DLG1: variants seen among roughly 807,000 people sequenced by gnomAD.
DLG1 encodes discs large MAGUK scaffold protein 1.
Under a neutral mutation model 123.4 loss-of-function variants are expected in DLG1, and 42 were observed. That is an observed-to-expected ratio of 0.34 (90% CI 0.27 to 0.44). The LOEUF is 0.44. DLG1 is among the 20% of genes least tolerant of loss of function. The probability of loss-of-function intolerance (pLI) is 1.00; values close to 1 mark genes in which losing one functional copy is unlikely to be tolerated. For missense variants in DLG1, 942 were observed against 1,082.6 expected (o/e 0.87, Z 1.82); for synonymous variants, 317 against 356.2 (o/e 0.89, Z 1.24).
chr3:197,286,639 A>G (rs1243685342), intron 3 of DLG1, among the ~76,000 whole-genome samples: 1 of 152,214 alleles, frequency 6.6e-6, no homozygotes, highest in Non-Finnish European at 1.5e-5. Flanking sequence ...CAGATTTGTC[A>G]ATGTACAATG....
At chr3:197,257,846 G>A (rs1355752089) in intron 4 of DLG1, among the ~76,000 whole-genome samples, 1 of 152,124 alleles carries the variant, frequency 6.6e-6, no homozygotes, top group East Asian at 1.9e-4. Context: ...TTTATGCTCT[G>A]AGTTAATTTT....
At chr3:197,259,718 T>A (rs1245209050) in intron 4 of DLG1, among the ~76,000 whole-genome samples, 1 of 152,108 alleles carries the variant, frequency 6.6e-6, no homozygotes, top group African/African-American at 2.4e-5. Context: ...TTGAACACAA[T>A]GAGCAAAACA....
At chr3:197,277,577 G>A (rs982275402) in intron 4 of DLG1, among the ~76,000 whole-genome samples, 7 of 152,070 alleles carry the variant, frequency 4.6e-5, no homozygotes, top group Non-Finnish European at 1.0e-4. Context: ...CTGACCTCAG[G>A]TGATTCACCT....
At chr3:197,218,128 T>C (rs1209018109) in intron 4 of DLG1, among the ~76,000 whole-genome samples, 2 of 152,196 alleles carry the variant, frequency 1.3e-5, no homozygotes, top group African/African-American at 4.8e-5. Context: ...ATGAACAATC[T>C]TCTAGATACT....
rs770595172 is a variant in DLG1 at position 197,065,298 on chromosome 3, G to A, written c.2351C>T (p.Ser784Phe). 1 of 1,608,346 alleles carries A rather than the reference G, an allele frequency of 6.2e-7. No homozygotes were observed. The highest frequency in any genetic ancestry group is 1.7e-5 in the Admixed American group (1 of 58,716). The change falls in exon 22 of 25, where the codon TCT becomes TTT. Residue 784 changes from serine to phenylalanine, a missense_variant. Physicochemically the swap from Ser to Phe is radical, Grantham distance 155 (BLOSUM62 -2). Transcript: ENST00000667157. ...TACCTTTTCTGCTACTTCTCGTACAGACTGAACACTTGTTCCATATAGATG... is the reference window on the plus strand; with the variant it reads ...TACCTTTTCTGCTACTTCTCGTACAAACTGAACACTTGTTCCATATAGATG... The part of the protein sequence containing the change: ...NNHLYGTSVQ[S>F]VREVAEKGKH...
Position 197,119,451 on chromosome 3 carries a change from G to A in DLG1, c.1245C>T (p.Ser415=). The change falls in exon 12 of 25, where the codon TCC becomes TCT. Residue 415 remains serine (S), a synonymous_variant. Coordinates refer to ENST00000667157, the MANE Select transcript of DLG1 (RefSeq NM_001366207.1). ...CTCCAAGTACTGCTTTAGAAACTGG[G>A]GAGTATCTGGCTGGAGATGCTGGTG... ...GQTPASPARY[S]PVSKAVLGDD... 1 of 1,610,528 alleles carries A rather than the reference G, an allele frequency of 6.2e-7. No homozygotes were observed. Among genetic ancestry groups the A allele is most frequent in the South Asian group, 1.1e-5 (1 of 90,922 alleles).
intron 3 of DLG1, among the ~76,000 whole-genome samples, chr3:197,289,442 T>G (rs982214026): frequency 6.6e-6 from 1 of 152,204 alleles, no homozygotes; most frequent in East Asian, 1.9e-4. Flanking sequence ...TCTTATGGTA[T>G]TTTACATATA....
intron 13 of DLG1, among the ~76,000 whole-genome samples, chr3:197,110,923 T>G (rs924494628): frequency 2.0e-5 from 3 of 152,180 alleles, no homozygotes; most frequent in Non-Finnish European, 4.4e-5. Flanking sequence ...GGTGAGAGTT[T>G]AAGGCCTTTT....
intron 13 of DLG1, among the ~76,000 whole-genome samples, chr3:197,112,707 T>G (rs941871822): frequency 2.0e-5 from 3 of 151,982 alleles, no homozygotes; most frequent in African/African-American, 7.3e-5. Context: ...CCTCCTGCCT[T>G]AGCCTCCCAA....
intron 5 of DLG1, among the ~76,000 whole-genome samples, chr3:197,173,358 T>C (rs1467983058): frequency 6.6e-6 from 1 of 152,196 alleles, no homozygotes; most frequent in Non-Finnish European, 1.5e-5. Context: ...TTTGCACATA[T>C]TGTCTCATTT....
At chr3:197,207,282 G>A (rs1412275862) in intron 4 of DLG1, among the ~76,000 whole-genome samples, 3 of 152,068 alleles carry the variant, frequency 2.0e-5, no homozygotes, top group Non-Finnish European at 4.4e-5. Context: ...GATGGTACAA[G>A]GAAATAGAAG....
chr3:197,250,297 C>T (rs566175686), intron 4 of DLG1, among the ~76,000 whole-genome samples: 8 of 152,272 alleles, frequency 5.3e-5, no homozygotes, highest in South Asian at 2.1e-4. Context: ...GCACCGGGCA[C>T]GGCGGCTCAT....
At chr3:197,194,645 A>G in intron 4 of DLG1, 56 bp from the exon 5 acceptor site, 1 of 1,333,848 alleles carries the variant, frequency 7.5e-7, no homozygotes, top group Non-Finnish European at 1.0e-6. Flanking sequence ...TTTAATTCAA[A>G]TCATGGTTTT....
intron 5 of DLG1, among the ~76,000 whole-genome samples, chr3:197,153,317 T>C (rs1794851722): frequency 6.6e-6 from 1 of 152,302 alleles, no homozygotes; most frequent in South Asian, 2.1e-4. Context: ...AGTGGCAGCA[T>C]GTGTCTGATG....
intron 4 of DLG1, among the ~76,000 whole-genome samples, chr3:197,270,965 C>T (rs1052483974): frequency 6.6e-6 from 1 of 152,116 alleles, no homozygotes; most frequent in Non-Finnish European, 1.5e-5. Context: ...GTCTATAAAA[C>T]AACTGGCATG....
chr3:197,118,098 G>C (rs1371705873), intron 12 of DLG1, among the ~76,000 whole-genome samples: 1 of 152,082 alleles, frequency 6.6e-6, no homozygotes, highest in Non-Finnish European at 1.5e-5. Context: ...TATCAAAAGG[G>C]AGTGGTTCAT....
At chr3:197,259,467 T>C (rs1203450671) in intron 4 of DLG1, among the ~76,000 whole-genome samples, 1 of 152,204 alleles carries the variant, frequency 6.6e-6, no homozygotes, top group African/African-American at 2.4e-5. Context: ...TTTACAAATT[T>C]ACCTACTCTT....
chr3:197,206,953 G>A (rs747841574), intron 4 of DLG1, among the ~76,000 whole-genome samples: 34 of 152,162 alleles, frequency 2.2e-4, no homozygotes, highest in Non-Finnish European at 3.5e-4. Flanking sequence ...TAAGTATGCT[G>A]GAAATTCTGT....
intron 4 of DLG1, among the ~76,000 whole-genome samples, chr3:197,264,890 T>C (rs1233570525): frequency 6.6e-6 from 1 of 152,216 alleles, no homozygotes; most frequent in East Asian, 1.9e-4. Context: ...GGAAGCCACT[T>C]TCCCCTGTAC....
Sources: gnomAD v4.1 joint callset for allele counts (sites outside exome capture counted in the v4.1 genomes callset) on GRCh38, gnomAD v4.1.1 for gene constraint, MANE v1.5 for transcripts, NCBI Gene and HGNC (gene_info 2026-07-23, HGNC 2026-07-21) for gene names.